The following SRGAP1 variants were observed in gnomAD, a reference collection of about 807,000 sequenced individuals.
SRGAP1 encodes the protein SLIT-ROBO Rho GTPase activating protein 1, also known as SLIT-ROBO Rho GTPase-activating protein 1.
Under a neutral mutation model 121.9 loss-of-function variants are expected in SRGAP1, and 43 were observed. That is an observed-to-expected ratio of 0.35 (90% CI 0.28 to 0.46). The LOEUF is 0.46. SRGAP1 is among the 20% of genes least tolerant of loss of function. SRGAP1 has a pLI of 1.00. For synonymous variants in SRGAP1, 447 were observed against 485.4 expected (o/e 0.92, Z 1.04); for missense variants, 1,102 against 1,350.9 (o/e 0.82, Z 2.89).
chr12:63,881,592 A>G (rs1900195317), intron 1 of SRGAP1, among the ~76,000 whole-genome samples: 1 of 152,212 alleles, frequency 6.6e-6, no homozygotes, highest in East Asian at 1.9e-4. Context: ...ACTGAGGCCT[A>G]AGGTATTGTG....
chr12:64,077,313 C>T (rs924738848), intron 8 of SRGAP1, among the ~76,000 whole-genome samples: 4 of 151,896 alleles, frequency 2.6e-5, no homozygotes, highest in South Asian at 2.1e-4. Flanking sequence ...AAATAAAAGA[C>T]GTTGTCAAGT....
chr12:63,861,214 T>C (rs1394775897), intron 1 of SRGAP1, among the ~76,000 whole-genome samples: 1 of 150,550 alleles, frequency 6.6e-6, no homozygotes, highest in African/African-American at 2.4e-5. Flanking sequence ...GGATTCACTA[T>C]GTTACCAAGG....
intron 1 of SRGAP1, among the ~76,000 whole-genome samples, chr12:63,963,734 T>G (rs2032708140): frequency 6.6e-6 from 1 of 152,172 alleles, no homozygotes; most frequent in Admixed American, 6.5e-5. Flanking sequence ...ACTATTTTCT[T>G]TACTTCTGGG....
chr12:64,002,745 A>G (rs921970510), intron 3 of SRGAP1, among the ~76,000 whole-genome samples: 1 of 152,130 alleles, frequency 6.6e-6, no homozygotes. Flanking sequence ...GAAACAATTA[A>G]CAATAGGATA....
At chr12:64,096,177 T>C (rs185592411) in intron 14 of SRGAP1, among the ~76,000 whole-genome samples, 365 of 152,310 alleles carry the variant, frequency 2.4e-3, no homozygotes, top group Non-Finnish European at 3.7e-3. Context: ...CATTTTTCCT[T>C]GGAAATTTTC....
intron 15 of SRGAP1, among the ~76,000 whole-genome samples, chr12:64,103,901 T>C (rs1489999791): frequency 6.6e-6 from 1 of 152,184 alleles, no homozygotes; most frequent in Non-Finnish European, 1.5e-5. Context: ...ACATTGTTAG[T>C]GTGAACCTAA....
At chr12:64,034,235 G>T (rs915484712) in intron 4 of SRGAP1, among the ~76,000 whole-genome samples, 3 of 152,040 alleles carry the variant, frequency 2.0e-5, no homozygotes, top group Non-Finnish European at 2.9e-5. Context: ...GTTCTCACAA[G>T]ATCTGGCTGT....
At position 64,109,045 on chromosome 12, in the gene SRGAP1, C is replaced by T. The variant is rs370229031; in HGVS notation, c.1919+8C>T. The stretch of plus-strand genomic sequence containing the variant: ...CTTTGCCTTCCTCAATCAGTAAGTA[C>T]CTGAATGCTCTGACAAAAGGCCCAT... On this transcript the variant is annotated splice_region_variant and intron_variant, in intron 16 of 21. Coordinates refer to ENST00000355086, the MANE Select transcript of SRGAP1 (RefSeq NM_020762.4). 35 of 1,498,368 alleles carry T rather than the reference C, an allele frequency of 2.3e-5. No homozygotes were observed. Among genetic ancestry groups the T allele is most frequent in the Middle Eastern group, 1.8e-4 (1 of 5,676 alleles). The allele number at this position is 1,498,368 out of a possible 1,614,324, so 92.8% of individuals were successfully genotyped here.
intron 1 of SRGAP1, among the ~76,000 whole-genome samples, chr12:63,900,289 T>C: frequency 6.9e-6 from 1 of 144,052 alleles, no homozygotes; most frequent in East Asian, 2.2e-4. Flanking sequence ...CACTGCAGCC[T>C]CTGCCTCCCG....
At chr12:63,906,923 T>TAG (rs1468589518) in intron 1 of SRGAP1, among the ~76,000 whole-genome samples, 8 of 151,928 alleles carry the variant, frequency 5.3e-5, no homozygotes, top group Admixed American at 5.2e-4. Flanking sequence ...ATACCCAGGC[T>TAG]AGAGTGCAGT....
intron 10 of SRGAP1, 46 bp downstream of exon 10, chr12:64,080,416 G>GTATATA: frequency 7.4e-7 from 1 of 1,346,114 alleles, no homozygotes; most frequent in Non-Finnish European, 1.1e-6. Context: ...ATGATACATC[G>GTATATA]TATCATGTAT....
chr12:63,924,833 C>A (rs2031197018), intron 1 of SRGAP1, among the ~76,000 whole-genome samples: 1 of 152,128 alleles, frequency 6.6e-6, no homozygotes, highest in Admixed American at 6.5e-5. Context: ...AGAGTTCTCA[C>A]CTTTAGGTAC....
Position 63,844,860 on chromosome 12 carries a change from C to G in SRGAP1, c.44C>G (p.Ala15Gly), listed in dbSNP as rs1406057009. The G allele has an allele frequency of 1.1e-5, 18 of 1,614,044 alleles. No individual in the cohort carries two copies. Among genetic ancestry groups the G allele is most frequent in the Non-Finnish European group, 1.4e-5 (17 of 1,180,032 alleles). The stretch of plus-strand genomic sequence containing the variant: ...TTCAAGAAGGACAAAGAGATCATAG[C>G]CGAGTATGAAAGTCAAGTCAAAGGT... ...SRFKKDKEII[A>G]EYESQVKEIR... The change falls in exon 1 of 22, where the codon GCC (alanine) becomes GGC (glycine). Residue 15 changes from alanine to glycine, a missense_variant. Around this residue, in one of 3 missense-constraint regions of SRGAP1, gnomAD observed 747 missense variants for 929.4 expected, o/e 0.80. Transcript: ENST00000355086. The surrounding 1 kb of genome is among the most constrained non-coding windows in gnomAD (Gnocchi z 4.3).
intron 4 of SRGAP1, among the ~76,000 whole-genome samples, chr12:64,018,597 A>G (rs1163255508): frequency 6.6e-6 from 1 of 152,176 alleles, no homozygotes; most frequent in African/African-American, 2.4e-5. Context: ...CTAGTTTTTT[A>G]CTATGTGTGT....
intron 10 of SRGAP1, among the ~76,000 whole-genome samples, chr12:64,086,560 G>A (rs527339867): frequency 6.6e-6 from 1 of 152,158 alleles, no homozygotes; most frequent in Admixed American, 6.5e-5. Flanking sequence ...TTAGTCTAAG[G>A]AAAATTGAAC....
At chr12:64,010,246 T>A (rs1385294580) in intron 3 of SRGAP1, among the ~76,000 whole-genome samples, 1 of 152,148 alleles carries the variant, frequency 6.6e-6, no homozygotes, top group Non-Finnish European at 1.5e-5. Flanking sequence ...CACAGTAGAT[T>A]TACTTTAAAA....
intron 16 of SRGAP1, among the ~76,000 whole-genome samples, chr12:64,111,362 A>G (rs896444143): frequency 2.6e-5 from 4 of 152,146 alleles, no homozygotes; most frequent in Non-Finnish European, 5.9e-5. Flanking sequence ...AAAATCTGAG[A>G]TATATTTGAG....
intron 1 of SRGAP1, among the ~76,000 whole-genome samples, chr12:63,978,519 T>C (rs2033154560): frequency 6.6e-6 from 1 of 152,232 alleles, no homozygotes; most frequent in Admixed American, 6.5e-5. Context: ...GGTTCATCCA[T>C]GTTGTAAATA....
intron 6 of SRGAP1, among the ~76,000 whole-genome samples, chr12:64,058,579 A>G (rs550595418): frequency 1.3e-5 from 2 of 152,240 alleles, no homozygotes; most frequent in East Asian, 3.9e-4. Flanking sequence ...AATTTTATGT[A>G]TCTGTTCAGA....
Sources: gnomAD v4.1 joint callset for allele counts (sites outside exome capture counted in the v4.1 genomes callset) on GRCh38, gnomAD v4.1.1 for gene constraint, gnomAD v4.1.1 regional missense constraint, Gnocchi (gnomAD v3.1) non-coding constraint, MANE v1.5 for transcripts, NCBI Gene and HGNC (gene_info 2026-07-23, HGNC 2026-07-21) for gene names.